CDH4: variants seen among roughly 807,000 people sequenced by gnomAD.
CDH4 encodes cadherin-4.
In CDH4, 33 loss-of-function variants were observed where a neutral mutation model predicts 86.0. That is an observed-to-expected ratio of 0.38 (90% confidence interval 0.29 to 0.51). The LOEUF (loss-of-function observed/expected upper bound fraction) is 0.51. CDH4 is among the 20% of genes least tolerant of loss of function. The pLI is 0.86. For synonymous variants in CDH4, 555 were observed against 549.4 expected, an observed-to-expected ratio of 1.01 and a Z score of -0.14; for missense variants, 1,114 against 1,307.4, an observed-to-expected ratio of 0.85 and a Z score of 2.28.
At chr20:61,657,861 G>T (rs1052134767) in intron 2 of CDH4, among the ~76,000 whole-genome samples, 1 of 152,158 alleles carries the variant, frequency 6.6e-6, no homozygotes, top group African/African-American at 2.4e-5. Flanking sequence ...ATACAGTGCT[G>T]TGCCCATTTG....
intron 2 of CDH4, among the ~76,000 whole-genome samples, chr20:61,295,511 T>A (rs1568786185): frequency 6.6e-6 from 1 of 152,180 alleles, no homozygotes; most frequent in South Asian, 2.1e-4. Flanking sequence ...AAGTAATCAG[T>A]AGCAATGGCC....
intron 4 of CDH4, among the ~76,000 whole-genome samples, chr20:61,821,370 A>C (rs1403810401): frequency 2.0e-4 from 3 of 14,840 alleles, no homozygotes; most frequent in Admixed American, 1.1e-3. Context: ...GTCCCCTCTC[A>C]CTCCCTACGC....
intron 2 of CDH4, among the ~76,000 whole-genome samples, chr20:61,495,849 G>A (rs1235245858): frequency 2.1e-5 from 3 of 146,252 alleles, no homozygotes; most frequent in African/African-American, 7.6e-5. Context: ...GTTGTGGTGA[G>A]CTGAGATAGT....
At chr20:61,309,477 G>A (rs1002430305) in intron 2 of CDH4, among the ~76,000 whole-genome samples, 1 of 152,122 alleles carries the variant, frequency 6.6e-6, no homozygotes, top group African/African-American at 2.4e-5. Flanking sequence ...AGATGCCCTG[G>A]GGGCCCCCTC....
intron 2 of CDH4, among the ~76,000 whole-genome samples, chr20:61,657,869 T>C (rs922711795): frequency 1.3e-5 from 2 of 152,200 alleles, no homozygotes; most frequent in Non-Finnish European, 2.9e-5. Flanking sequence ...CTGTGCCCAT[T>C]TGTGCTACGT....
intron 2 of CDH4, among the ~76,000 whole-genome samples, chr20:61,590,951 C>T (rs1372908589): frequency 6.6e-6 from 1 of 151,952 alleles, no homozygotes; most frequent in African/African-American, 2.4e-5. Flanking sequence ...TTGGTCTCCA[C>T]CGCCAATGCT....
At chr20:61,759,220 G>A (rs1026425387) in intron 3 of CDH4, among the ~76,000 whole-genome samples, 1 of 152,140 alleles carries the variant, frequency 6.6e-6, no homozygotes, top group Non-Finnish European at 1.5e-5. Context: ...AGACCAATAC[G>A]TTTGTGTTTC....
chr20:61,660,425 TTCA>T (rs1452176310), intron 2 of CDH4, among the ~76,000 whole-genome samples: 2 of 152,224 alleles, frequency 1.3e-5, no homozygotes, highest in Admixed American at 1.3e-4. Flanking sequence ...CCTCGAAGTG[TTCA>T]TCATCGAAGG....
rs146770569 is a variant in CDH4, at chr20:61,911,741, C to T, written c.1374+1134C>T. ...TAAAGCTGGATAGGATATGCCGAAG[C>T]GTAAGGAAAAGCAAGGTGAGCTTAA... On this transcript the variant is annotated intron_variant, in intron 9 of 15. Coordinates refer to ENST00000614565, the MANE Select transcript of CDH4 (RefSeq NM_001794.5). Among the ~76,000 whole-genome samples, 958 of 150,318 alleles carry T rather than the reference C, an allele frequency of 6.4e-3. 29 individuals are homozygous for T. The highest frequency in any genetic ancestry group is 0.023 in the African/African-American group (915 of 39,934).
intron 2 of CDH4, among the ~76,000 whole-genome samples, chr20:61,736,519 C>G (rs952885477): frequency 6.6e-6 from 1 of 152,144 alleles, no homozygotes. Context: ...CCCACACTCT[C>G]AGCTCCACTG....
chr20:61,355,525 A>G (rs2084743895), intron 2 of CDH4, among the ~76,000 whole-genome samples: 1 of 152,218 alleles, frequency 6.6e-6, no homozygotes, highest in Non-Finnish European at 1.5e-5. Context: ...ACCAAAGTCC[A>G]TCCCAAGCTC....
chr20:61,734,873 T>C (rs1447437396), intron 2 of CDH4, among the ~76,000 whole-genome samples: 1 of 152,214 alleles, frequency 6.6e-6, no homozygotes, highest in Non-Finnish European at 1.5e-5. Context: ...TTCAAGAACC[T>C]ATGAATCTCC....
chr20:61,383,185 A>G (rs1399290369), intron 2 of CDH4, among the ~76,000 whole-genome samples: 1 of 85,788 alleles, frequency 1.2e-5, no homozygotes, highest in Non-Finnish European at 2.2e-5. Context: ...ATTTATGAAT[A>G]TATATGAATA....
chr20:61,852,520 A>C (rs994026910), intron 5 of CDH4, among the ~76,000 whole-genome samples: 2 of 152,104 alleles, frequency 1.3e-5, no homozygotes, highest in Admixed American at 1.3e-4. Context: ...TTGGGGGGTT[A>C]TGCTGGCTTC....
chr20:61,326,766 T>C (rs1488873299), intron 2 of CDH4, among the ~76,000 whole-genome samples: 2 of 152,186 alleles, frequency 1.3e-5, no homozygotes, highest in African/African-American at 4.8e-5. Flanking sequence ...ATGAGGTTTT[T>C]TTTTCATTTC....
At chr20:61,729,109 C>T (rs1231665453) in intron 2 of CDH4, among the ~76,000 whole-genome samples, 6 of 118,154 alleles carry the variant, frequency 5.1e-5, no homozygotes, top group Admixed American at 1.6e-4. Flanking sequence ...GCTCTGCGAG[C>T]GCTGACTGCA....
At position 61,810,830 on chromosome 20, in the gene CDH4, G is replaced by A. The variant is rs1363451420; in HGVS notation, c.577-33838G>A. On this transcript the variant is annotated intron_variant, in intron 4 of 15. Coordinates refer to ENST00000614565, the MANE Select transcript of CDH4 (RefSeq NM_001794.5). The surrounding 1 kb of genome is among the most constrained non-coding windows in gnomAD (Gnocchi z 4.3). ...GGTGGTCACTTCTCCAGTCTCAGCT[G>A]CTCAACAGAGCCACTGCCCCTTGGC... 6.6e-6 allele frequency among the ~76,000 whole-genome samples: 1 copy of A among 152,196 alleles called. No homozygotes were observed. The highest frequency in any genetic ancestry group is 1.5e-5 in the Non-Finnish European group (1 of 68,050).
chr20:61,635,129 G>C (rs2086933526), intron 2 of CDH4, among the ~76,000 whole-genome samples: 1 of 152,120 alleles, frequency 6.6e-6, no homozygotes, highest in Non-Finnish European at 1.5e-5. Flanking sequence ...TTCGGGTCCT[G>C]CTTCCTGTTC....
intron 2 of CDH4, among the ~76,000 whole-genome samples, chr20:61,530,379 C>A (rs1279510622): frequency 6.6e-6 from 1 of 152,112 alleles, no homozygotes; most frequent in African/African-American, 2.4e-5. Flanking sequence ...AGTGGCCCTT[C>A]CTTAGAATCC....
Sources: allele counts gnomAD v4.1 joint callset (sites outside exome capture counted in the v4.1 genomes callset), GRCh38; gene constraint gnomAD v4.1.1; non-coding constraint Gnocchi (gnomAD v3.1); transcripts MANE v1.5; gene names NCBI Gene and HGNC (gene_info 2026-07-23, HGNC 2026-07-21).